The following VIPAS39 variants were observed in gnomAD, a reference collection of about 807,000 sequenced individuals.
VIPAS39 encodes the protein VPS33B interacting protein, apical-basolateral polarity regulator, spe-39 homolog, also known as spermatogenesis-defective protein 39 homolog.
In VIPAS39, 63 loss-of-function variants were observed where a neutral mutation model predicts 84.7. The ratio of observed to expected loss-of-function variants is 0.74; its 90% CI spans 0.61 to 0.92. The LOEUF is 0.92. VIPAS39 is among the 40% of genes least tolerant of loss of function. VIPAS39 has a pLI of 0.00. For synonymous variants in VIPAS39, 192 were observed against 216.5 expected, an observed-to-expected ratio of 0.89 and a Z score of 0.99; for missense variants, 499 against 604.5, an observed-to-expected ratio of 0.83 and a Z score of 1.83.
At chr14:77,452,357 A>G (rs2078895209) in intron 3 of VIPAS39, among the ~76,000 whole-genome samples, 1 of 152,164 alleles carries the variant, frequency 6.6e-6, no homozygotes, top group African/African-American at 2.4e-5. Flanking sequence ...TGAACTGAAA[A>G]CTGAGAAGAT....
intron 10 of VIPAS39, among the ~76,000 whole-genome samples, chr14:77,442,113 A>G (rs1465855216): frequency 6.6e-6 from 1 of 152,212 alleles, no homozygotes; most frequent in African/African-American, 2.4e-5. Flanking sequence ...TCAAGTAATA[A>G]AAGATACCTT....
intron 11 of VIPAS39, among the ~76,000 whole-genome samples, chr14:77,439,305 A>G (rs1001146311): frequency 6.6e-5 from 10 of 152,248 alleles, no homozygotes; most frequent in African/African-American, 1.9e-4. Context: ...AAATCAAAAC[A>G]AAAAACTTTA....
In VIPAS39 at chr14:77,453,329, G is replaced by C. The variant is rs765225108; in HGVS notation, c.166C>G (p.Arg56Gly). ...ACAGGTTCCCCACTCCAGCTGACTC[G>C]CTCCAGGTCATCATCGTCATCATCA... ...VDDDDDDDLE[R>G]VSWSGEPVGS... Residue 56 changes from arginine to glycine, a missense_variant, in exon 3 of 20, where the codon CGA becomes GGA. Arg to Gly is a moderately radical substitution (Grantham distance 125). Coordinates refer to ENST00000557658, the MANE Select transcript of VIPAS39 (RefSeq NM_001193315.2). 6.2e-7 allele frequency: 1 copy of C among 1,613,940 alleles called. No individual in the cohort carries two copies. The highest frequency in any genetic ancestry group is 1.1e-5 in the South Asian group (1 of 91,058).
In VIPAS39 at chr14:77,428,448, T is replaced by C. The variant is rs2078465685; in HGVS notation, c.1383A>G (p.Gln461=). ...IDTYRDLKDR[Q]QLLAYRSKVD... ...CCTTACTCCTGTATGCTAGCAACTG[T>C]TGACGATCCTTCAGGTCCCGGTAGG... Residue 461 remains glutamine, a synonymous_variant, in exon 19 of 20, where the codon CAA becomes CAG. Transcript: ENST00000557658. 2 of 1,614,100 alleles carry C rather than the reference T, an allele frequency of 1.2e-6. No homozygotes were observed. The highest frequency in any genetic ancestry group is 1.7e-6 in the Non-Finnish European group (2 of 1,179,980).
At chr14:77,439,855 G>C (rs1489085753) in intron 11 of VIPAS39, among the ~76,000 whole-genome samples, 1 of 152,036 alleles carries the variant, frequency 6.6e-6, no homozygotes, top group African/African-American at 2.4e-5. Context: ...TGTGCCAACT[G>C]AATGTCTGTA....
chr14:77,450,152 G>A (rs955458318), intron 4 of VIPAS39, among the ~76,000 whole-genome samples: 1 of 152,028 alleles, frequency 6.6e-6, no homozygotes, highest in Non-Finnish European at 1.5e-5. Flanking sequence ...CCCAGCTCTT[G>A]GTAACCACCA....
Position 77,457,561 on chromosome 14 carries a change from T to C in VIPAS39, c.-67A>G, listed in dbSNP as rs2078982461. On this transcript the variant is annotated 5_prime_UTR_variant, in exon 1 of 20. It adds an upstream start codon to the 5' untranslated region. Coordinates refer to ENST00000557658, the MANE Select transcript of VIPAS39 (RefSeq NM_001193315.2). ...TCCGCCGCCGCTGGACCAGCCCTTC[T>C]ATTCAGGCTGTGCAGCTTAGAGAAG... 1 of 632,464 alleles carries C rather than the reference T, an allele frequency of 1.6e-6. No homozygotes were observed. The highest frequency in any genetic ancestry group is 1.9e-5 in the South Asian group (1 of 51,772). 39.2% of individuals were successfully genotyped at this position (632,464 alleles called of 1,614,324 possible).
At chr14:77,456,444 A>T (rs2078961574) in intron 1 of VIPAS39, among the ~76,000 whole-genome samples, 1 of 152,246 alleles carries the variant, frequency 6.6e-6, no homozygotes, top group South Asian at 2.1e-4. Context: ...CAGTTCATAA[A>T]TCACTCTGTC....
chr14:77,439,729 A>C (rs142462363), intron 11 of VIPAS39, among the ~76,000 whole-genome samples: 1 of 151,992 alleles, frequency 6.6e-6, no homozygotes, highest in African/African-American at 2.4e-5. Flanking sequence ...GCAGTAAACT[A>C]TATGATCACG....
chr14:77,442,790 C>T (rs2078723274), intron 9 of VIPAS39, 128 bp from the exon 10 acceptor site: 2 of 901,890 alleles, frequency 2.2e-6, no homozygotes, highest in South Asian at 2.7e-5. Flanking sequence ...GAATGGTTTA[C>T]CCCTATGTCT....
intron 16 of VIPAS39, 57 bp from the exon 17 acceptor site, chr14:77,429,824 G>A (rs919467248): frequency 1.4e-6 from 2 of 1,466,878 alleles, no homozygotes; most frequent in African/African-American, 2.8e-5. Flanking sequence ...ACACATTCTA[G>A]GTTAGTCTAT....
intron 3 of VIPAS39, 68 bp downstream of exon 3, chr14:77,453,231 C>T (rs988291054): frequency 1.3e-6 from 2 of 1,483,118 alleles, no homozygotes; most frequent in African/African-American, 1.4e-5. Context: ...AAGAAACAAA[C>T]AAGTAGAGCC....
At chr14:77,437,048 T>A (rs1358002576) in intron 12 of VIPAS39, among the ~76,000 whole-genome samples, 1 of 152,244 alleles carries the variant, frequency 6.6e-6, no homozygotes, top group Non-Finnish European at 1.5e-5. Context: ...ATATAACATA[T>A]CTCAGTATTT....
chr14:77,445,997 G>A (rs920536966), intron 7 of VIPAS39, among the ~76,000 whole-genome samples: 2 of 150,970 alleles, frequency 1.3e-5, no homozygotes, highest in East Asian at 1.9e-4. Context: ...TATAATATAC[G>A]TGTTTTGAAA....
At chr14:77,444,545 T>G (rs1436047174) in intron 7 of VIPAS39, among the ~76,000 whole-genome samples, 1 of 152,224 alleles carries the variant, frequency 6.6e-6, no homozygotes, top group South Asian at 2.1e-4. Context: ...AAGATGCTAA[T>G]GTCCTGAAGT....
intron 14 of VIPAS39, 37 bp downstream of exon 14, chr14:77,435,222 A>T: frequency 6.2e-7 from 1 of 1,613,728 alleles, no homozygotes; most frequent in South Asian, 1.1e-5. Flanking sequence ...TTTTTGTGCA[A>T]TGAGAGTTTG....
chr14:77,435,959 A>G (rs1379056381), intron 12 of VIPAS39, 40 bp from the exon 13 acceptor site: 2 of 1,608,034 alleles, frequency 1.2e-6, no homozygotes, highest in African/African-American at 2.7e-5. Flanking sequence ...TCTCTATTCA[A>G]ACAAGGAAAC....
At chr14:77,433,434 C>G (rs1438376001) in intron 16 of VIPAS39, among the ~76,000 whole-genome samples, 1 of 152,002 alleles carries the variant, frequency 6.6e-6, no homozygotes, top group African/African-American at 2.4e-5. Flanking sequence ...CTCCTGACCT[C>G]AGGTGATCCA....
intron 14 of VIPAS39, chr14:77,435,022 G>T: frequency 1.8e-6 from 1 of 569,358 alleles, no homozygotes; most frequent in Non-Finnish European, 3.1e-6. Flanking sequence ...CAGCACCAGG[G>T]ACAGAACTTG....
Sources: allele counts gnomAD v4.1 joint callset (sites outside exome capture counted in the v4.1 genomes callset), GRCh38; gene constraint gnomAD v4.1.1; transcripts MANE v1.5; gene names NCBI Gene and HGNC (gene_info 2026-07-23, HGNC 2026-07-21).